The following MRPS16 variants were observed in gnomAD, a reference collection of about 807,000 sequenced individuals.
The protein encoded by MRPS16 is mitochondrial ribosomal protein S16.
A neutral mutation model predicts 11.0 loss-of-function variants in MRPS16; 5 were observed. The observed-to-expected ratio is 0.46, with a 90% confidence interval of 0.24 to 0.96. The LOEUF (loss-of-function observed/expected upper bound fraction) is 0.96. MRPS16 is among the 40% of genes least tolerant of loss of function. The pLI, the probability that MRPS16 is intolerant of heterozygous loss-of-function variation, is 0.20. For synonymous variants in MRPS16, 76 were observed against 65.0 expected, an observed-to-expected ratio of 1.17 and a Z score of -0.81; for missense variants, 179 against 174.4, an observed-to-expected ratio of 1.03 and a Z score of -0.15.
At chr10:73,251,651 G>C in intron 2 of MRPS16, 112 bp downstream of exon 2, 1 of 1,486,180 alleles carries the variant, frequency 6.7e-7, no homozygotes, top group East Asian at 2.3e-5. Flanking sequence ...AAAGCGCTGA[G>C]ATTACAGGCG....
At chr10:73,252,277 G>C in intron 1 of MRPS16, 193 bp downstream of exon 1, 1 of 1,070,602 alleles carries the variant, frequency 9.3e-7, no homozygotes, top group Admixed American at 2.0e-5. Context: ...AGCCTTAGCT[G>C]CTTCAATGGG....
chr10:73,249,319 C>A lies in MRPS16; in HGVS notation c.*1533G>T. 1 of 1,549,262 alleles carries A rather than the reference C, an allele frequency of 6.5e-7. No individual in the cohort carries two copies. Among genetic ancestry groups the A allele is most frequent in the Non-Finnish European group, 8.7e-7 (1 of 1,146,226 alleles). ...TAAAACACATGGGAATACTTGAGAC[C>A]TAAGAATGGTTGTGAGTCAAATAAA... On this transcript the variant is annotated 3_prime_UTR_variant, in exon 3 of 3. Transcript: ENST00000372945.
In MRPS16 at chr10:73,252,633, C is replaced by A. The variant is rs372523400; in HGVS notation, c.-151G>T. The A allele has an allele frequency of 5.3e-6, 6 of 1,131,206 alleles. No individual in the cohort carries two copies. Among genetic ancestry groups the A allele is most frequent in the African/African-American group, 3.1e-5 (2 of 64,786 alleles). 70.1% of individuals were successfully genotyped at this position (1,131,206 alleles called of 1,614,324 possible). ...CGGTACAAGCCCGAAAACCTCGACTCCGGAAGCGGATGATCCGCTCGCCAC... is the reference window on the plus strand; with the variant it reads ...CGGTACAAGCCCGAAAACCTCGACTACGGAAGCGGATGATCCGCTCGCCAC... On this transcript the variant is annotated 5_prime_UTR_variant, in exon 1 of 3. Coordinates refer to ENST00000372945, the MANE Select transcript of MRPS16 (RefSeq NM_016065.4).
chr10:73,249,897 A>AC lies in MRPS16; in HGVS notation c.*954dup, dbSNP rs2044061835. 1.3e-5 allele frequency: 2 copies of AC among 151,416 alleles called. No homozygotes were observed. The highest frequency in any genetic ancestry group is 4.8e-5 in the African/African-American group (2 of 41,450). 9.4% of individuals were successfully genotyped at this position (151,416 alleles called of 1,614,324 possible). On this transcript the variant is annotated 3_prime_UTR_variant, in exon 3 of 3. Coordinates refer to ENST00000372945, the MANE Select transcript of MRPS16 (RefSeq NM_016065.4). Reference sequence around the variant, plus strand: ...AGACCATCCTGGCCAACACGGTGAAACCCCATCTCTACTAAAAATACAAAA... The same window carrying AC: ...AGACCATCCTGGCCAACACGGTGAAACCCCCATCTCTACTAAAAATACAAAA...
Position 73,250,384 on chromosome 10 carries a change from C to CAAAAA in MRPS16, c.*463_*467dup. On this transcript the variant is annotated 3_prime_UTR_variant, in exon 3 of 3. Coordinates refer to ENST00000372945, the MANE Select transcript of MRPS16 (RefSeq NM_016065.4). ...CTGGCAACAGAACAAGACTCCGTCT[C>CAAAAA]AAAAAAAAAAAAAAAAAGAGAATAT... 1 of 95,190 alleles carries CAAAAA rather than the reference C, an allele frequency of 1.1e-5. No individual in the cohort carries two copies. Among genetic ancestry groups the CAAAAA allele is most frequent in the Non-Finnish European group, 2.3e-5 (1 of 43,966 alleles). 5.9% of individuals were successfully genotyped at this position (95,190 alleles called of 1,614,324 possible).
Position 73,249,658 on chromosome 10 carries a change from C to T in MRPS16, c.*1194G>A. 1 of 266,300 alleles carries T rather than the reference C, an allele frequency of 3.8e-6. No homozygotes were observed. The highest frequency in any genetic ancestry group is 6.2e-5 in the South Asian group (1 of 16,064). The allele number at this position is 266,300 out of a possible 1,614,324, so 16.5% of individuals were successfully genotyped here. A position where few individuals can be genotyped will look rare whatever the true frequency, so the allele number is the denominator to read the frequency against. On this transcript the variant is annotated 3_prime_UTR_variant, in exon 3 of 3. Transcript: ENST00000372945. ...ATGATATATGCAGAAATCACAGCCA[C>T]ATTTGAATGGTTCAATCTTGATTCA...
rs1291911327 is a variant in MRPS16, at chr10:73,251,872, A to C, written c.165T>G (p.Asp55Glu). Residue 55 changes from aspartate to glutamate, a missense_variant, in exon 2 of 3, where the codon GAT (aspartate) becomes GAG (glutamate). Asp to Glu is a conservative substitution (Grantham distance 45, BLOSUM62 2). Transcript: ENST00000372945. ...TTTCTCCATGACTGTTGGGCAATGG[A>C]TCATAGGAGCCCAGCTGCTCTACGA... ...GRFVEQLGSY[D>E]PLPNSHGEKL... The C allele has an allele frequency of 6.2e-7, 1 of 1,614,098 alleles. No individual in the cohort carries two copies. Among genetic ancestry groups the C allele is most frequent in the Non-Finnish European group, 8.5e-7 (1 of 1,180,028 alleles).
Position 73,252,465 on chromosome 10 carries a change from C to T in MRPS16, c.13+5G>A. 6.2e-7 allele frequency: 1 copy of T among 1,609,472 alleles called. No individual in the cohort carries two copies. Among genetic ancestry groups the T allele is most frequent in the Non-Finnish European group, 8.5e-7 (1 of 1,179,848 alleles). ...GGAACGTCTCGCGGTGGCCCGATGA[C>T]TCACTGAGGTGGACCATGGTGCCGC... On this transcript the variant is annotated splice_donor_5th_base_variant and intron_variant, in intron 1 of 2. Coordinates refer to ENST00000372945, the MANE Select transcript of MRPS16 (RefSeq NM_016065.4).
rs2044080233 is a variant in MRPS16, at chr10:73,250,848, T to G, written c.*4A>C. The stretch of plus-strand genomic sequence containing the variant: ...CACTGCTATGCTCACTAAAGTCAGC[T>G]CATTTATGTTTCTGTAGCCTCTGTA... On this transcript the variant is annotated 3_prime_UTR_variant, in exon 3 of 3. Transcript: ENST00000372945. The G allele has an allele frequency of 6.2e-7, 1 of 1,613,624 alleles. No homozygotes were observed. Among genetic ancestry groups the G allele is most frequent in the Non-Finnish European group, 8.5e-7 (1 of 1,180,024 alleles).
rs936342266 is a variant in MRPS16, at chr10:73,250,536, A to C, written c.*316T>G. 7 of 394,010 alleles carry C rather than the reference A, an allele frequency of 1.8e-5. No individual in the cohort carries two copies. Among genetic ancestry groups the C allele is most frequent in the Non-Finnish European group, 2.9e-5 (6 of 209,570 alleles). 24.4% of individuals were successfully genotyped at this position (394,010 alleles called of 1,614,324 possible). The stretch of plus-strand genomic sequence containing the variant: ...TGAATAGTCTGGCTGGGGGTTTTGA[A>C]GCAGGAAGTCTTGGAAGCCAGTAAA... On this transcript the variant is annotated 3_prime_UTR_variant, in exon 3 of 3. Coordinates refer to ENST00000372945, the MANE Select transcript of MRPS16 (RefSeq NM_016065.4).
At position 73,250,758 on chromosome 10, in the gene MRPS16, T is replaced by C. The variant is rs1035500895; in HGVS notation, c.*94A>G. 1.0e-5 allele frequency: 16 copies of C among 1,531,824 alleles called. No individual in the cohort carries two copies. Among genetic ancestry groups the C allele is most frequent in the Non-Finnish European group, 1.3e-5 (15 of 1,117,986 alleles). The allele number at this position is 1,531,824 out of a possible 1,614,324, so 94.9% of individuals were successfully genotyped here. ...AGGGCAACTCAGGATACTCCATTTA[T>C]TGAACTCCAAATCTAACAAAATTAA... is the stretch of plus-strand genomic sequence containing the variant. On this transcript the variant is annotated 3_prime_UTR_variant, in exon 3 of 3. Coordinates refer to ENST00000372945, the MANE Select transcript of MRPS16 (RefSeq NM_016065.4).
Position 73,249,177 on chromosome 10 carries a change from C to A in MRPS16, c.*1675G>T. ...AAGTGATCCTTCCACCTCAGCCTCCCAAAGTGCTGAGATTACAGGTGTGAG... is the reference window on the plus strand; with the variant it reads ...AAGTGATCCTTCCACCTCAGCCTCCAAAAGTGCTGAGATTACAGGTGTGAG... On this transcript the variant is annotated 3_prime_UTR_variant, in exon 3 of 3. Transcript: ENST00000372945. 1.9e-6 allele frequency: 2 copies of A among 1,068,454 alleles called. No individual in the cohort carries two copies. Among genetic ancestry groups the A allele is most frequent in the Non-Finnish European group, 1.4e-6 (1 of 726,254 alleles). 66.2% of individuals were successfully genotyped at this position (1,068,454 alleles called of 1,614,324 possible). A position where few individuals can be genotyped will look rare whatever the true frequency, so the allele number is the denominator to read the frequency against.
At position 73,250,753 on chromosome 10, in the gene MRPS16, A is replaced by G. The variant is rs536907771; in HGVS notation, c.*99T>C. ...GAGCAAGGGCAACTCAGGATACTCCATTTATTGAACTCCAAATCTAACAAA... is the reference window on the plus strand; with the variant it reads ...GAGCAAGGGCAACTCAGGATACTCCGTTTATTGAACTCCAAATCTAACAAA... On this transcript the variant is annotated 3_prime_UTR_variant, in exon 3 of 3. Transcript: ENST00000372945. 31 of 1,511,728 alleles carry G rather than the reference A, an allele frequency of 2.1e-5. No homozygotes were observed. Among genetic ancestry groups the G allele is most frequent in the African/African-American group, 2.7e-5 (2 of 72,784 alleles). The allele number at this position is 1,511,728 out of a possible 1,614,324, so 93.6% of individuals were successfully genotyped here.
At chr10:73,251,408 C>T (rs1296086098) in intron 2 of MRPS16, among the ~76,000 whole-genome samples, 1 of 152,006 alleles carries the variant, frequency 6.6e-6, no homozygotes, top group Non-Finnish European at 1.5e-5. Flanking sequence ...TGGAATCGCC[C>T]TCTGTTGCCC....
intron 2 of MRPS16, 103 bp from the exon 3 acceptor site, chr10:73,251,094 T>C: frequency 7.2e-7 from 1 of 1,386,956 alleles, no homozygotes; most frequent in Non-Finnish European, 1.0e-6. Context: ...ACCCAGTGCA[T>C]GGATGCAAAC....
rs1008472074 is a variant in MRPS16 at position 73,249,994 on chromosome 10, T to G, written c.*858A>C. ...AGGCCAAGGCGGGCGGATCACGAGG[T>G]CAGGAGATCAAAACCATCCTGGATA... On this transcript the variant is annotated 3_prime_UTR_variant, in exon 3 of 3. Transcript: ENST00000372945. The G allele has an allele frequency of 6.6e-6, 1 of 150,796 alleles. No individual in the cohort carries two copies. Among genetic ancestry groups the G allele is most frequent in the Non-Finnish European group, 1.5e-5 (1 of 67,160 alleles). 9.3% of individuals were successfully genotyped at this position (150,796 alleles called of 1,614,324 possible).
rs778863355 is a variant in MRPS16, at chr10:73,250,830, A to C, written c.*22T>G. 3 of 1,612,674 alleles carry C rather than the reference A, an allele frequency of 1.9e-6. No homozygotes were observed. The highest frequency in any genetic ancestry group is 2.5e-6 in the Non-Finnish European group (3 of 1,179,910). On this transcript the variant is annotated 3_prime_UTR_variant, in exon 3 of 3. Coordinates refer to ENST00000372945, the MANE Select transcript of MRPS16 (RefSeq NM_016065.4). Reference sequence around the variant, plus strand: ...GGACCTTGACCTTGTTCCCACTGCTATGCTCACTAAAGTCAGCTCATTTAT... The same window carrying C: ...GGACCTTGACCTTGTTCCCACTGCTCTGCTCACTAAAGTCAGCTCATTTAT...
intron 1 of MRPS16, 32 bp downstream of exon 1, chr10:73,252,438 C>T: frequency 6.2e-7 from 1 of 1,609,322 alleles, no homozygotes; most frequent in South Asian, 1.1e-5. Flanking sequence ...CCGTGACCGC[C>T]CGGAACGTCT....
Position 73,249,603 on chromosome 10 carries a change from T to C in MRPS16, c.*1249A>G. The C allele has an allele frequency of 2.5e-6, 1 of 393,986 alleles. No homozygotes were observed. Among genetic ancestry groups the C allele is most frequent in the Non-Finnish European group, 4.7e-6 (1 of 214,920 alleles). 24.4% of individuals were successfully genotyped at this position (393,986 alleles called of 1,614,324 possible). On this transcript the variant is annotated 3_prime_UTR_variant, in exon 3 of 3. Coordinates refer to ENST00000372945, the MANE Select transcript of MRPS16 (RefSeq NM_016065.4). ...GAATTGGCTTGGTGTCCTAATTCCC[T>C]ATTCCAGTATTCTCAGAAGGATCCC...
Sources: allele counts gnomAD v4.1 joint callset (sites outside exome capture counted in the v4.1 genomes callset), GRCh38; gene constraint gnomAD v4.1.1; transcripts MANE v1.5; gene names NCBI Gene and HGNC (gene_info 2026-07-23, HGNC 2026-07-21).